The following GRM8 variants were observed in gnomAD, a reference collection of about 807,000 sequenced individuals.
The protein encoded by GRM8 is glutamate metabotropic receptor 8.
In GRM8, 47 loss-of-function variants were observed where a neutral mutation model predicts 87.2. The observed-to-expected ratio is 0.54, with a 90% CI of 0.43 to 0.69. GRM8 has a LOEUF of 0.69. Among genes scored for constraint, GRM8 ranks in the 30% least tolerant of loss-of-function variants. GRM8 has a pLI of 0.00. For missense variants in GRM8, 1,019 were observed against 1,139.2 expected, an observed-to-expected ratio of 0.89 and a Z score of 1.52; for synonymous variants, 396 against 404.5, an observed-to-expected ratio of 0.98 and a Z score of 0.25.
intron 2 of GRM8, among the ~76,000 whole-genome samples, chr7:127,113,691 A>G (rs1259161728): frequency 6.6e-6 from 1 of 152,168 alleles, no homozygotes; most frequent in Non-Finnish European, 1.5e-5. Context: ...GTGGTTAGCA[A>G]CAGCGGCCAT....
intron 3 of GRM8, among the ~76,000 whole-genome samples, chr7:127,086,220 C>T (rs762463882): frequency 9.9e-5 from 15 of 152,114 alleles, no homozygotes; most frequent in Admixed American, 9.8e-4. Flanking sequence ...TCTGCCTCAG[C>T]GTCCCAAGTA....
At chr7:126,930,716 A>C (rs1367824797) in intron 3 of GRM8, among the ~76,000 whole-genome samples, 1 of 152,218 alleles carries the variant, frequency 6.6e-6, no homozygotes, top group Non-Finnish European at 1.5e-5. Context: ...TGAGCTGATA[A>C]TTCCTATCAA....
intron 6 of GRM8, among the ~76,000 whole-genome samples, chr7:126,770,381 C>T (rs1396618829): frequency 6.6e-6 from 1 of 151,998 alleles, no homozygotes; most frequent in Non-Finnish European, 1.5e-5. Context: ...TTGGTAGTGG[C>T]TTGATCTTTT....
chr7:127,046,198 C>T (rs949719786), intron 3 of GRM8, among the ~76,000 whole-genome samples: 1 of 151,906 alleles, frequency 6.6e-6, no homozygotes, highest in Admixed American at 6.6e-5. Flanking sequence ...GGTGAAACCC[C>T]GTCTCTACTA....
chr7:126,707,139 AT>A (rs202203335), intron 7 of GRM8, among the ~76,000 whole-genome samples: 16 of 151,144 alleles, frequency 1.1e-4, no homozygotes, highest in African/African-American at 2.4e-4. Context: ...CCCTATCTCT[AT>A]TTTTTTTTAA....
intron 3 of GRM8, chr7:126,981,630 C>A (rs928898328): frequency 6.6e-6 from 1 of 152,212 alleles, no homozygotes; most frequent in East Asian, 1.9e-4. Flanking sequence ...GAGCCAATCA[C>A]CTCTTAAAGT....
At chr7:126,452,147 A>G (rs1015021036) in intron 9 of GRM8, among the ~76,000 whole-genome samples, 1 of 151,618 alleles carries the variant, frequency 6.6e-6, no homozygotes, top group Non-Finnish European at 1.5e-5. Context: ...ACATGGATGA[A>G]GCTGGAAACC....
At chr7:126,868,964 G>T (rs973383176) in intron 6 of GRM8, 29 of 152,118 alleles carry the variant, frequency 1.9e-4, no homozygotes, top group African/African-American at 7.0e-4. Context: ...AATGCTATTT[G>T]ATAGCATTTT....
rs555572344 is a variant in GRM8, at chr7:127,247,222, C to T, written c.-311-3707G>A. 5.9e-5 allele frequency among the ~76,000 whole-genome samples: 9 copies of T among 152,296 alleles called. No individual in the cohort carries two copies. In the South Asian group the frequency reaches 1.7e-3, roughly 28 times the overall value. ...CAAACACTTCTGCTCCAAATGAGGT[C>T]TCCTGGCCAGGTTGATGTCAAGGTG... On this transcript the variant is annotated intron_variant, in intron 1 of 10. Transcript: ENST00000339582.
chr7:126,570,900 G>T (rs1163633601), intron 8 of GRM8, among the ~76,000 whole-genome samples: 2 of 152,200 alleles, frequency 1.3e-5, no homozygotes, highest in African/African-American at 4.8e-5. Flanking sequence ...TATTCAGAAT[G>T]TCAGCAGAAT....
At chr7:127,146,395 G>A (rs1180445917) in intron 2 of GRM8, among the ~76,000 whole-genome samples, 2 of 151,934 alleles carry the variant, frequency 1.3e-5, no homozygotes, top group African/African-American at 2.4e-5. Context: ...CAGAGCTATG[G>A]CTTGAAGAGA....
intron 2 of GRM8, among the ~76,000 whole-genome samples, chr7:127,145,408 T>C (rs1187720225): frequency 6.6e-6 from 1 of 152,138 alleles, no homozygotes; most frequent in East Asian, 1.9e-4. Context: ...ATATGTCTTG[T>C]GAAAAAGCAC....
intron 9 of GRM8, among the ~76,000 whole-genome samples, chr7:126,497,639 C>G (rs2150676153): frequency 6.6e-6 from 1 of 152,102 alleles, no homozygotes; most frequent in African/African-American, 2.4e-5. Context: ...GGTTTAACCT[C>G]TTAAAATTAT....
intron 3 of GRM8, among the ~76,000 whole-genome samples, chr7:127,099,035 C>A (rs995874029): frequency 6.6e-6 from 1 of 152,106 alleles, no homozygotes; most frequent in Non-Finnish European, 1.5e-5. Flanking sequence ...CATTTATTAT[C>A]CTGTCTTCTT....
At chr7:126,514,001 A>G (rs1811802847) in intron 9 of GRM8, among the ~76,000 whole-genome samples, 1 of 152,148 alleles carries the variant, frequency 6.6e-6, no homozygotes, top group Non-Finnish European at 1.5e-5. Flanking sequence ...GAGAGAACAG[A>G]GTCAGCCTCA....
intron 9 of GRM8, among the ~76,000 whole-genome samples, chr7:126,499,888 T>C (rs1809379971): frequency 7.1e-6 from 1 of 140,658 alleles, no homozygotes; most frequent in African/African-American, 2.8e-5. Flanking sequence ...TAATTATAGT[T>C]AATAACACTG....
chr7:126,802,547 A>C (rs996748353), intron 6 of GRM8, among the ~76,000 whole-genome samples: 1 of 152,184 alleles, frequency 6.6e-6, no homozygotes, highest in Non-Finnish European at 1.5e-5. Context: ...AAAAAAAAGG[A>C]GCTCCTGTCA....
intron 2 of GRM8, among the ~76,000 whole-genome samples, chr7:127,222,849 C>T (rs1207884910): frequency 1.3e-5 from 2 of 152,160 alleles, no homozygotes; most frequent in African/African-American, 4.8e-5. Flanking sequence ...TGTCTACCCA[C>T]AAAGCAAGTG....
intron 2 of GRM8, among the ~76,000 whole-genome samples, chr7:127,237,526 C>T (rs766759981): frequency 4.3e-4 from 65 of 152,276 alleles, no homozygotes; most frequent in African/African-American, 6.5e-4. Flanking sequence ...GCAGGGTAGG[C>T]GAAGACTGCC....
Sources: allele counts gnomAD v4.1 joint callset (sites outside exome capture counted in the v4.1 genomes callset), GRCh38; gene constraint gnomAD v4.1.1; transcripts MANE v1.5; gene names NCBI Gene and HGNC (gene_info 2026-07-23, HGNC 2026-07-21).